Variants in RCC1 observed in about 807,000 individuals in gnomAD.
RCC1 encodes regulator of chromosome condensation 1, also known as regulator of chromosome condensation.
Under a neutral mutation model 44.4 loss-of-function variants are expected in RCC1, and 11 were observed. The observed-to-expected ratio is 0.25, with a 90% CI of 0.16 to 0.41. The LOEUF (loss-of-function observed/expected upper bound fraction) is 0.41, where lower values mean the gene tolerates loss of function less well. RCC1 is among the 10% of genes least tolerant of loss of function. The probability of loss-of-function intolerance (pLI) is 1.00; values close to 1 mark genes in which losing one functional copy is unlikely to be tolerated. For missense variants in RCC1, 386 were observed against 547.1 expected (o/e 0.71, Z 2.94); for synonymous variants, 213 against 216.5 (o/e 0.98, Z 0.14).
rs769808394 is a variant in RCC1, at chr1:28,531,259, C to CTTTTTTT, written c.74-539_74-538insTTTTTTT. 5.3e-4 allele frequency among the ~76,000 whole-genome samples: 70 copies of CTTTTTTT among 132,494 alleles called. 2 individuals carry two copies. Among genetic ancestry groups the CTTTTTTT allele is most frequent in the Non-Finnish European group, 5.7e-4 (37 of 64,458 alleles). The allele number at this position is 132,494 out of a possible 152,430, so 86.9% of individuals were successfully genotyped here. A position where few individuals can be genotyped will look rare whatever the true frequency, so the allele number is the denominator to read the frequency against. ...CAATAACAATAATTAGCTTTCTTTT[C>CTTTTTTT]TTTTTCTTTTTTTTTTTTTTTTTGA... On this transcript the variant is annotated intron_variant, in intron 5 of 12. Transcript: ENST00000683442.
chr1:28,526,659 G>A (rs1285923027), intron 4 of RCC1: 1 of 482,102 alleles, frequency 2.1e-6, no homozygotes, highest in African/African-American at 2.0e-5. Flanking sequence ...ACTTTGGGAG[G>A]CTGAGGTGGG....
rs540832399 is a variant in RCC1 at position 28,512,485 on chromosome 1, T to C, written c.-153+3580T>C. Among the ~76,000 whole-genome samples, 48 of 152,332 alleles carry C rather than the reference T, an allele frequency of 3.2e-4. No homozygotes were observed. The South Asian group carries it at 9.7e-3, about 31-fold the overall frequency. On this transcript the variant is annotated intron_variant, in intron 3 of 12. Transcript: ENST00000683442. The stretch of plus-strand genomic sequence containing the variant: ...AGCAAGCACTGGCTGATTTAATTTT[T>C]CTGTGTTCTTTTTTATTGATTTGTT...
intron 1 of RCC1, chr1:28,507,539 T>C: frequency 1.9e-6 from 1 of 518,362 alleles, no homozygotes. Flanking sequence ...CTGTCGACAA[T>C]TACTGGGGAG....
At chr1:28,530,830 G>A (rs895782218) in intron 5 of RCC1, among the ~76,000 whole-genome samples, 1 of 152,202 alleles carries the variant, frequency 6.6e-6, no homozygotes, top group Non-Finnish European at 1.5e-5. Flanking sequence ...GATGGTGGAG[G>A]GAAGAGTCCG....
intron 9 of RCC1, 127 bp downstream of exon 9, chr1:28,535,507 T>C: frequency 6.9e-7 from 1 of 1,440,818 alleles, no homozygotes; most frequent in Non-Finnish European, 9.5e-7. Context: ...GTTAGGACTT[T>C]GGAGACAGAC....
rs1663685874 is a variant in RCC1 at position 28,526,705 on chromosome 1, C to T, written c.-9-3153C>T. 13 of 503,614 alleles carry T rather than the reference C, an allele frequency of 2.6e-5. No individual in the cohort carries two copies. The South Asian group carries it at 3.1e-4, about 12-fold the overall frequency. The allele number at this position is 503,614 out of a possible 1,614,324, so 31.2% of individuals were successfully genotyped here. ...GAGTTCAGGAGTTCAAGACCAGCCT[C>T]ACCAACATGGTGAAATCCCATCTCT... On this transcript the variant is annotated intron_variant, in intron 4 of 12. Transcript: ENST00000683442.
chr1:28,528,166 A>G (rs1287163757), intron 4 of RCC1, among the ~76,000 whole-genome samples: 1 of 152,090 alleles, frequency 6.6e-6, no homozygotes, highest in Non-Finnish European at 1.5e-5. Flanking sequence ...CTAAAAATAC[A>G]AAATTTGGGC....
chr1:28,520,478 T>C (rs1034868919), intron 4 of RCC1, among the ~76,000 whole-genome samples: 14 of 152,248 alleles, frequency 9.2e-5, no homozygotes, highest in African/African-American at 2.9e-4. Flanking sequence ...TGGAGCATGG[T>C]CATGAGACTG....
At chr1:28,507,097 G>A (rs148670840) in intron 1 of RCC1, 53 of 226,116 alleles carry the variant, frequency 2.3e-4, no homozygotes, top group East Asian at 1.7e-3. Flanking sequence ...TAATTAACAA[G>A]TCCACGTGTT....
In RCC1 at chr1:28,535,911, G is replaced by A. The variant is rs762697500; in HGVS notation, c.702G>A (p.Arg234=). The A allele has an allele frequency of 6.2e-7, 1 of 1,614,014 alleles. No homozygotes were observed. Among genetic ancestry groups the A allele is most frequent in the South Asian group, 1.1e-5 (1 of 91,082 alleles). ...CCAAGTGTGTGATGCTGAAATCCAG[G>A]GGAAGCCGGGGCCACGTGAGATTCC... ...LVPKCVMLKS[R]GSRGHVRFQD... is the part of the protein sequence containing the mutation. The change falls in exon 10 of 13, where the codon AGG becomes AGA. Residue 234 remains arginine (R), a synonymous_variant. Transcript: ENST00000683442.
intron 1 of RCC1, 62 bp from the exon 2 acceptor site, chr1:28,508,066 G>A: frequency 2.4e-6 from 1 of 415,244 alleles, no homozygotes; most frequent in Admixed American, 2.6e-5. Context: ...GATAGCATGA[G>A]GCCCCTCGTT....
intron 9 of RCC1, chr1:28,535,648 A>G: frequency 1.3e-6 from 1 of 757,098 alleles, no homozygotes; most frequent in Non-Finnish European, 2.3e-6. Flanking sequence ...GAAGAATATC[A>G]GGCAGATGGT....
chr1:28,522,846 T>C (rs1042978316), intron 4 of RCC1, among the ~76,000 whole-genome samples: 3 of 150,982 alleles, frequency 2.0e-5, no homozygotes, highest in African/African-American at 7.3e-5. Context: ...TGTATATATA[T>C]ACACACACAC....
chr1:28,533,835 C>CTTT (rs1664349766), intron 7 of RCC1, among the ~76,000 whole-genome samples: 1 of 34,908 alleles, frequency 2.9e-5, no homozygotes. Flanking sequence ...TTTTTCTTTT[C>CTTT]TTTTCTTTTC....
chr1:28,524,572 A>G (rs1663522060), intron 4 of RCC1, among the ~76,000 whole-genome samples: 1 of 152,078 alleles, frequency 6.6e-6, no homozygotes, highest in African/African-American at 2.4e-5. Flanking sequence ...AAAATAAAAT[A>G]AAAGGCCAGG....
chr1:28,507,047 G>A (rs1414958779), intron 1 of RCC1: 2 of 168,736 alleles, frequency 1.2e-5, no homozygotes, highest in East Asian at 3.4e-4. Flanking sequence ...ATATTTTTAG[G>A]ATTACAGGCG....
intron 3 of RCC1, among the ~76,000 whole-genome samples, chr1:28,515,788 T>G (rs1207560373): frequency 6.6e-6 from 1 of 152,168 alleles, no homozygotes; most frequent in Non-Finnish European, 1.5e-5. Flanking sequence ...TGCTCATGCC[T>G]GTAATCCCAG....
chr1:28,513,074 C>CT lies in RCC1; in HGVS notation c.-152-3639dup, dbSNP rs930880442. On this transcript the variant is annotated intron_variant, in intron 3 of 12. Coordinates refer to ENST00000683442, the MANE Select transcript of RCC1 (RefSeq NM_001381865.2). The stretch of plus-strand genomic sequence containing the variant: ...AGGTGTGAGCCACCGCGCCCAGCCT[C>CT]TTTTTTTTTTTTAGACAAGAGTCTC... 7.6e-3 allele frequency among the ~76,000 whole-genome samples: 1,092 copies of CT among 143,508 alleles called. 8 individuals are homozygous for CT. The highest frequency in any genetic ancestry group is 0.021 in the African/African-American group (840 of 39,394). The allele number at this position is 143,508 out of a possible 152,430, so 94.1% of individuals were successfully genotyped here. A position where few individuals can be genotyped will look rare whatever the true frequency, so the allele number is the denominator to read the frequency against.
rs947374584 is a variant in RCC1, at chr1:28,532,454, G to A, written c.441+104G>A. On this transcript the variant is annotated intron_variant, in intron 7 of 12. Coordinates refer to ENST00000683442, the MANE Select transcript of RCC1 (RefSeq NM_001381865.2). ...ATGCCCCCATGGTACTTACTGGTGG[G>A]GAGATGAAAGCCCACAGGTAGAGCT... is the stretch of plus-strand genomic sequence containing the variant. 79 of 1,282,996 alleles carry A rather than the reference G, an allele frequency of 6.2e-5. 2 individuals are homozygous for A. The South Asian group carries it at 1.0e-3, about 17-fold the overall frequency. The allele number at this position is 1,282,996 out of a possible 1,614,324, so 79.5% of individuals were successfully genotyped here. A position where few individuals can be genotyped will look rare whatever the true frequency, so the allele number is the denominator to read the frequency against.
Sources: gnomAD v4.1 joint callset for allele counts (sites outside exome capture counted in the v4.1 genomes callset) on GRCh38, gnomAD v4.1.1 for gene constraint, MANE v1.5 for transcripts, NCBI Gene and HGNC (gene_info 2026-07-23, HGNC 2026-07-21) for gene names.